Variants in PARVB observed in about 807,000 individuals in gnomAD.
PARVB encodes the protein beta-parvin.
Under a neutral mutation model 47.0 loss-of-function variants are expected in PARVB, and 46 were observed. The observed-to-expected ratio is 0.98, with a 90% CI of 0.77 to 1.25. The LOEUF (loss-of-function observed/expected upper bound fraction) is 1.25, where lower values mean the gene tolerates loss of function less well. Among genes scored for constraint, PARVB ranks in the 50% most tolerant of loss-of-function variants. The probability of loss-of-function intolerance (pLI) is 0.00; values close to 1 mark genes in which losing one functional copy is unlikely to be tolerated. For synonymous variants in PARVB, 196 were observed against 196.3 expected (o/e 1.00, Z 0.01); for missense variants, 473 against 471.6 (o/e 1.00, Z -0.03).
chr22:44,006,197 A>G (rs2050462815), intron 2 of PARVB, among the ~76,000 whole-genome samples: 1 of 152,174 alleles, frequency 6.6e-6, no homozygotes, highest in Non-Finnish European at 1.5e-5. Context: ...CTCCTGCCTC[A>G]GCCTCAGCCT....
chr22:44,008,879 CTCGGGAGGCTG>C (rs2050494893), intron 2 of PARVB, among the ~76,000 whole-genome samples: 1 of 152,010 alleles, frequency 6.6e-6, no homozygotes, highest in African/African-American at 2.4e-5. Flanking sequence ...GTCCCAGCTA[CTCGGGAGGCTG>C]AGGCAGGAGA....
upstream of PARVB, among the ~76,000 whole-genome samples, chr22:44,021,212 C>G (rs1380536273): frequency 6.6e-6 from 1 of 152,194 alleles, no homozygotes; most frequent in Non-Finnish European, 1.5e-5. Flanking sequence ...CCCCGCAAGG[C>G]CTGTCTGTAT....
chr22:44,096,779 T>C (rs11703469), intron 2 of PARVB, among the ~76,000 whole-genome samples: 15,768 of 152,084 alleles, frequency 0.1, 855 homozygotes, highest in Middle Eastern at 0.18. Flanking sequence ...TTGGGCACGT[T>C]TTATTGCAGC....
At position 44,155,826 on chromosome 22, in the gene PARVB, T is replaced by C. The variant is rs887885003; in HGVS notation, c.844-2156T>C. Among the ~76,000 whole-genome samples, 1 of 152,108 alleles carries C rather than the reference T, an allele frequency of 6.6e-6. No individual in the cohort carries two copies. Among genetic ancestry groups the C allele is most frequent in the African/African-American group, 2.4e-5 (1 of 41,406 alleles). On this transcript the variant is annotated intron_variant, in intron 10 of 12. Coordinates refer to ENST00000338758, the MANE Select transcript of PARVB (RefSeq NM_013327.5). This position sits in a 1 kb window ranked among gnomAD's most constrained non-coding sequence, Gnocchi z 4.8. Reference sequence around the variant, plus strand: ...TGTGGAAGGCTGAGGGCATGTGACATGGAGGCCAAGTGCCATTTGCCCATC... The same window carrying C: ...TGTGGAAGGCTGAGGGCATGTGACACGGAGGCCAAGTGCCATTTGCCCATC...
intron 2 of PARVB, among the ~76,000 whole-genome samples, chr22:44,006,066 T>C (rs991896160): frequency 6.6e-6 from 1 of 152,166 alleles, no homozygotes; most frequent in Non-Finnish European, 1.5e-5. Flanking sequence ...CCTCAGTCTC[T>C]GGAATAGCTG....
intron 1 of PARVB, among the ~76,000 whole-genome samples, chr22:44,033,859 G>A (rs2050867713): frequency 1.3e-5 from 2 of 152,112 alleles, no homozygotes; most frequent in South Asian, 2.1e-4. Flanking sequence ...AGACGCTCCT[G>A]GAAGCAGCTG....
chr22:44,079,610 A>G (rs999322912), intron 1 of PARVB, among the ~76,000 whole-genome samples: 1 of 152,214 alleles, frequency 6.6e-6, no homozygotes, highest in Admixed American at 6.5e-5. Flanking sequence ...CCACCGGTGG[A>G]GAACTGACTT....
intron 1 of PARVB, among the ~76,000 whole-genome samples, chr22:44,075,391 C>T (rs757744182): frequency 1.1e-4 from 16 of 152,344 alleles, no homozygotes; most frequent in Non-Finnish European, 2.1e-4. Context: ...GGCCCCACCA[C>T]GCACACTATC....
intron 3 of PARVB, among the ~76,000 whole-genome samples, chr22:44,116,928 T>C (rs11704258): frequency 0.37 from 55,698 of 151,746 alleles, 10,383 homozygotes; most frequent in Middle Eastern, 0.5. Flanking sequence ...TGGCTGTGGC[T>C]GTGGCCCAGG....
chr22:44,131,027 T>C (rs1308188270), intron 4 of PARVB, among the ~76,000 whole-genome samples: 1 of 83,198 alleles, frequency 1.2e-5, no homozygotes, highest in Non-Finnish European at 2.7e-5. Flanking sequence ...AGTATATCTC[T>C]CTCCCCTTCC....
upstream of PARVB, among the ~76,000 whole-genome samples, chr22:44,023,574 A>C (rs1406457443): frequency 2.0e-5 from 3 of 150,788 alleles, no homozygotes; most frequent in Admixed American, 1.3e-4. Flanking sequence ...AAATAAAATA[A>C]AATAAAATAA....
chr22:44,080,895 G>A (rs554282378), intron 1 of PARVB, among the ~76,000 whole-genome samples: 2 of 152,142 alleles, frequency 1.3e-5, no homozygotes, highest in East Asian at 1.9e-4. Flanking sequence ...CACTGTAGAC[G>A]CAAATCCTGT....
chr22:44,089,991 G>C lies in PARVB; in HGVS notation c.113-3937G>C, dbSNP rs1358963855. Among the ~76,000 whole-genome samples the C allele has an allele frequency of 6.6e-6, 1 of 152,182 alleles. No individual in the cohort carries two copies. Among genetic ancestry groups the C allele is most frequent in the African/African-American group, 2.4e-5 (1 of 41,448 alleles). ...CTTGTGGTCACTCTTCCTCCAGTCT[G>C]TGTCTCTCTTGGAGCCTAATCACAG... On this transcript the variant is annotated intron_variant, in intron 1 of 12. Transcript: ENST00000338758. This position sits in a 1 kb window ranked among gnomAD's most constrained non-coding sequence, Gnocchi z 4.0.
intron 1 of PARVB, among the ~76,000 whole-genome samples, chr22:44,038,491 G>C (rs2050960589): frequency 6.6e-6 from 1 of 152,116 alleles, no homozygotes; most frequent in African/African-American, 2.4e-5. Flanking sequence ...ACTTAAAACT[G>C]GACCTGGGGC....
intron 6 of PARVB, among the ~76,000 whole-genome samples, chr22:44,133,482 T>C (rs133918): frequency 0.023 from 3,469 of 152,354 alleles, 63 homozygotes; most frequent in Non-Finnish European, 0.038. Flanking sequence ...CAGGTCCTTC[T>C]AACAGAGGGT....
chr22:44,031,459 T>C (rs1301718564), intron 1 of PARVB: 2 of 152,300 alleles, frequency 1.3e-5, no homozygotes, highest in African/African-American at 4.8e-5. Flanking sequence ...TGTTTTGTTT[T>C]CTTGAAGGCC....
chr22:44,003,930 C>T (rs762082439), intron 2 of PARVB, among the ~76,000 whole-genome samples: 8 of 152,158 alleles, frequency 5.3e-5, no homozygotes, highest in Non-Finnish European at 7.4e-5. Context: ...CTGTAGTTGC[C>T]GCTGCTGGGC....
intron 4 of PARVB, among the ~76,000 whole-genome samples, chr22:44,122,488 A>AAG (rs766162295): frequency 0.011 from 819 of 76,580 alleles, 62 homozygotes; most frequent in East Asian, 0.025. Flanking sequence ...CCTGTCGATC[A>AAG]AGAGAGAGAG....
chr22:44,064,879 A>G (rs2051488670), intron 1 of PARVB, among the ~76,000 whole-genome samples: 2 of 152,190 alleles, frequency 1.3e-5, no homozygotes, highest in Non-Finnish European at 2.9e-5. Flanking sequence ...GCAGAACATT[A>G]ATCCGGATAG....
Sources: gnomAD v4.1 joint callset for allele counts (sites outside exome capture counted in the v4.1 genomes callset) on GRCh38, gnomAD v4.1.1 for gene constraint, Gnocchi (gnomAD v3.1) non-coding constraint, MANE v1.5 for transcripts, NCBI Gene and HGNC (gene_info 2026-07-23, HGNC 2026-07-21) for gene names.